Variants in CUL2 observed in about 807,000 individuals in gnomAD.
CUL2 encodes the protein cullin 2.
CUL2 carries 22 observed loss-of-function variants against 110.2 expected under a neutral mutation model. That is an observed-to-expected ratio of 0.20 (90% CI 0.14 to 0.28). CUL2 has a LOEUF of 0.28. Among genes scored for constraint, CUL2 ranks in the 10% least tolerant of loss-of-function variants. The pLI is 1.00. For synonymous variants in CUL2, 279 were observed against 293.2 expected (o/e 0.95, Z 0.49); for missense variants, 631 against 905.5 (o/e 0.70, Z 3.89).
At chr10:35,017,084 C>T (rs2085055025) in intron 17 of CUL2, among the ~76,000 whole-genome samples, 1 of 152,148 alleles carries the variant, frequency 6.6e-6, no homozygotes, top group African/African-American at 2.4e-5. Context: ...GCAACAGCCT[C>T]AAGTGCTGTC....
chr10:35,120,282 T>C (rs1299820794), intron 1 of CUL2: 1 of 151,938 alleles, frequency 6.6e-6, no homozygotes, highest in African/African-American at 2.4e-5. Flanking sequence ...GGAGGCTGAG[T>C]TGGAGGATCG....
At chr10:35,045,016 A>C in intron 6 of CUL2, 148 bp from the exon 7 acceptor site, 1 of 561,188 alleles carries the variant, frequency 1.8e-6, no homozygotes, top group Non-Finnish European at 3.1e-6. Flanking sequence ...AATCTTAACA[A>C]TGATTTTTTT....
At chr10:35,122,629 T>A (rs2087690378) in intron 1 of CUL2, among the ~76,000 whole-genome samples, 1 of 152,190 alleles carries the variant, frequency 6.6e-6, no homozygotes, top group Admixed American at 6.5e-5. Context: ...ATCCTTATTT[T>A]ATTTTATTTT....
At chr10:35,085,651 G>A (rs1296850022) in intron 1 of CUL2, among the ~76,000 whole-genome samples, 1 of 133,512 alleles carries the variant, frequency 7.5e-6, no homozygotes, top group East Asian at 2.3e-4. Flanking sequence ...GGCTGAGGCA[G>A]AATGGTGTGA....
intron 1 of CUL2, among the ~76,000 whole-genome samples, chr10:35,083,138 G>A (rs549549523): frequency 1.4e-5 from 2 of 142,872 alleles, no homozygotes. Flanking sequence ...GCCTGCATGA[G>A]AGCAAGACTC....
chr10:35,031,264 T>C lies in CUL2; in HGVS notation c.1386+36A>G. ...ACATCTTTATGTGCTTGTGAATGAATTTCTAGGACAATACCACATTAAAGA... is the reference window on the plus strand; with the variant it reads ...ACATCTTTATGTGCTTGTGAATGAACTTCTAGGACAATACCACATTAAAGA... On this transcript the variant is annotated intron_variant, in intron 14 of 20. Coordinates refer to ENST00000374749, the MANE Select transcript of CUL2 (RefSeq NM_003591.4). This position sits in a 1 kb window ranked among gnomAD's most constrained non-coding sequence, Gnocchi z 4.4. 3 of 1,329,990 alleles carry C rather than the reference T, an allele frequency of 2.3e-6. No individual in the cohort carries two copies. Among genetic ancestry groups the C allele is most frequent in the Non-Finnish European group, 3.2e-6 (3 of 950,938 alleles). The allele number at this position is 1,329,990 out of a possible 1,614,324, so 82.4% of individuals were successfully genotyped here.
At chr10:35,095,581 CAG>C (rs2087284968), upstream of CUL2, among the ~76,000 whole-genome samples, 1 of 152,026 alleles carries the variant, frequency 6.6e-6, no homozygotes. Context: ...ATTTTTGAGA[CAG>C]AGTCTCCCTC....
chr10:35,065,231 C>A (rs2086486631), intron 2 of CUL2, among the ~76,000 whole-genome samples: 1 of 152,150 alleles, frequency 6.6e-6, no homozygotes, highest in Non-Finnish European at 1.5e-5. Context: ...TGATTATAGA[C>A]AAGACACTTT....
chr10:35,054,989 T>C (rs1261591887), intron 4 of CUL2, among the ~76,000 whole-genome samples: 1 of 152,182 alleles, frequency 6.6e-6, no homozygotes, highest in African/African-American at 2.4e-5. Flanking sequence ...TGGAACACAG[T>C]GTTACAGATA....
chr10:35,113,741 C>G (rs991313503), intron 1 of CUL2, among the ~76,000 whole-genome samples: 2 of 151,254 alleles, frequency 1.3e-5, no homozygotes, highest in Non-Finnish European at 2.9e-5. Flanking sequence ...GAGTTTCGCT[C>G]TGTCACCCAG....
chr10:35,093,361 A>G (rs1306164587), upstream of CUL2, among the ~76,000 whole-genome samples: 3 of 152,060 alleles, frequency 2.0e-5, no homozygotes, highest in African/African-American at 4.8e-5. Context: ...ATGGAAGGCC[A>G]TTTTTACTTG....
At chr10:35,016,544 G>T in intron 17 of CUL2, 150 bp from the exon 18 acceptor site, 1 of 652,338 alleles carries the variant, frequency 1.5e-6, no homozygotes, top group Non-Finnish European at 2.6e-6. Flanking sequence ...TAGTCATTTT[G>T]TTTCTTGGGG....
chr10:35,107,063 C>A (rs915706637), intron 1 of CUL2, among the ~76,000 whole-genome samples: 1 of 152,088 alleles, frequency 6.6e-6, no homozygotes, highest in East Asian at 1.9e-4. Context: ...CAAGCTCCAC[C>A]TCCCGGGTTC....
intron 16 of CUL2, among the ~76,000 whole-genome samples, chr10:35,026,742 T>C (rs2085344459): frequency 1.3e-5 from 2 of 152,344 alleles, no homozygotes; most frequent in Non-Finnish European, 2.9e-5. Context: ...ACCAAAGTTA[T>C]AAAACCTTCC....
At chr10:35,068,472 A>G (rs2086593377) in intron 2 of CUL2, among the ~76,000 whole-genome samples, 1 of 152,196 alleles carries the variant, frequency 6.6e-6, no homozygotes, top group Non-Finnish European at 1.5e-5. Context: ...TCAAGATAGT[A>G]GTTAGCTCCT....
intron 8 of CUL2, among the ~76,000 whole-genome samples, chr10:35,040,407 A>C (rs1319251716): frequency 2.6e-5 from 4 of 152,240 alleles, no homozygotes; most frequent in African/African-American, 9.6e-5. Flanking sequence ...TGGAACATAA[A>C]GCTGTGTAAT....
intron 2 of CUL2, among the ~76,000 whole-genome samples, chr10:35,068,694 C>T (rs2086601078): frequency 1.3e-5 from 2 of 152,234 alleles, no homozygotes; most frequent in South Asian, 4.1e-4. Flanking sequence ...AATAATAACA[C>T]ATATTTGAAA....
chr10:35,038,052 C>T (rs1228598206), intron 9 of CUL2, among the ~76,000 whole-genome samples: 1 of 151,936 alleles, frequency 6.6e-6, no homozygotes, highest in Non-Finnish European at 1.5e-5. Flanking sequence ...ACTTGGGAGG[C>T]TGAGGCAGAA....
At chr10:35,107,755 G>T (rs1018860467) in intron 1 of CUL2, among the ~76,000 whole-genome samples, 1 of 151,640 alleles carries the variant, frequency 6.6e-6, no homozygotes, top group African/African-American at 2.4e-5. Context: ...GGTGGCAGGC[G>T]CTTGTGGTCC....
Sources: allele counts gnomAD v4.1 joint callset (sites outside exome capture counted in the v4.1 genomes callset), GRCh38; gene constraint gnomAD v4.1.1; non-coding constraint Gnocchi (gnomAD v3.1); transcripts MANE v1.5; gene names NCBI Gene and HGNC (gene_info 2026-07-23, HGNC 2026-07-21).